The following LIMK1 variants were observed in gnomAD, a reference collection of about 807,000 sequenced individuals.
The protein encoded by LIMK1 is LIM motif-containing protein kinase.
LIMK1 carries 21 observed loss-of-function variants against 77.6 expected under a neutral mutation model. The ratio of observed to expected loss-of-function variants is 0.27; its 90% CI spans 0.19 to 0.39. The LOEUF (loss-of-function observed/expected upper bound fraction) is 0.39. LIMK1 is among the 10% of genes least tolerant of loss of function. The pLI is 1.00. For synonymous variants in LIMK1, 358 were observed against 370.0 expected, an observed-to-expected ratio of 0.97 and a Z score of 0.37; for missense variants, 696 against 901.6, an observed-to-expected ratio of 0.77 and a Z score of 2.92.
At chr7:74,096,884 T>C (rs1799346897) in intron 3 of LIMK1, 124 bp downstream of exon 3, 4 of 1,282,534 alleles carry the variant, frequency 3.1e-6, no homozygotes, top group Non-Finnish European at 4.3e-6. Flanking sequence ...GGAGCTGCTT[T>C]CTGAGCCTGA....
chr7:74,089,092 A>G (rs947258302), intron 2 of LIMK1, among the ~76,000 whole-genome samples: 4 of 152,208 alleles, frequency 2.6e-5, no homozygotes, highest in Non-Finnish European at 4.4e-5. Context: ...TCATAACTCT[A>G]TGAGGGACTG....
Position 74,105,962 on chromosome 7 carries a change from A to G in LIMK1, c.696A>G (p.Arg232=), listed in dbSNP as rs782723376. Residue 232 remains arginine, a synonymous_variant, in exon 6 of 16, where the codon CGA becomes CGG. Transcript: ENST00000336180. The part of the protein sequence containing the change: ...RILEINGTPI[R]NVPLDEIDLL... ...TGGAAATCAATGGCACGCCCATCCG[A>G]AATGTGCCCCTGGACGAGGTACGGT... is the stretch of plus-strand genomic sequence containing the variant. 2 of 1,614,056 alleles carry G rather than the reference A, an allele frequency of 1.2e-6. No homozygotes were observed. Among genetic ancestry groups the G allele is most frequent in the South Asian group, 2.2e-5 (2 of 91,084 alleles).
At chr7:74,113,218 G>C (rs1799739211) in intron 12 of LIMK1, among the ~76,000 whole-genome samples, 1 of 152,114 alleles carries the variant, frequency 6.6e-6, no homozygotes, top group Admixed American at 6.6e-5. Flanking sequence ...CAACTACCTG[G>C]GAGGCTGAGG....
At chr7:74,092,456 G>T (rs1799255879) in intron 2 of LIMK1, among the ~76,000 whole-genome samples, 2 of 152,196 alleles carry the variant, frequency 1.3e-5, no homozygotes, top group Non-Finnish European at 1.5e-5. Context: ...GACAATTGCT[G>T]CAGGCCCATG....
In LIMK1 at chr7:74,111,913, T is replaced by G. The variant is rs1554698707; in HGVS notation, c.1345-20T>G. ...TCCCTCTGCACAGCTGCCCCCTGAC[T>G]CCCGTGTCCCCGTCCCTAGGCCTAC... On this transcript the variant is annotated intron_variant, in intron 11 of 15. Transcript: ENST00000336180. 1 of 1,608,452 alleles carries G rather than the reference T, an allele frequency of 6.2e-7. No individual in the cohort carries two copies. The highest frequency in any genetic ancestry group is 2.2e-5 in the East Asian group (1 of 44,822).
intron 12 of LIMK1, among the ~76,000 whole-genome samples, chr7:74,113,587 T>C (rs567354735): frequency 1.3e-5 from 2 of 151,604 alleles, no homozygotes; most frequent in Non-Finnish European, 2.9e-5. Context: ...ATTATGCCAC[T>C]GCACTCCAGC....
At chr7:74,093,228 G>C (rs782374544) in intron 2 of LIMK1, 71 of 1,535,502 alleles carry the variant, frequency 4.6e-5, no homozygotes, top group Non-Finnish European at 6.0e-5. Context: ...GACCTCCAGA[G>C]CCCCCAGTGT....
At chr7:74,085,087 A>G (rs558139258) in intron 1 of LIMK1, among the ~76,000 whole-genome samples, 5 of 152,222 alleles carry the variant, frequency 3.3e-5, no homozygotes, top group Non-Finnish European at 4.4e-5. Flanking sequence ...GGCATTTTCC[A>G]GGGCCCACCA....
chr7:74,085,892 A>G, intron 2 of LIMK1, 48 bp downstream of exon 2: 2 of 1,390,186 alleles, frequency 1.4e-6, no homozygotes, highest in Non-Finnish European at 2.0e-6. Flanking sequence ...AAGGCCTGCC[A>G]GAGAGGACAG....
At chr7:74,088,858 G>A (rs2115621548) in intron 2 of LIMK1, among the ~76,000 whole-genome samples, 1 of 152,022 alleles carries the variant, frequency 6.6e-6, no homozygotes, top group African/African-American at 2.4e-5. Context: ...GGAGGGGCTG[G>A]GGTGACATGC....
At chr7:74,115,422 GA>G (rs879954399) in intron 12 of LIMK1, 33 of 183,230 alleles carry the variant, frequency 1.8e-4, no homozygotes, top group East Asian at 2.7e-4. Flanking sequence ...GACTCCGTCT[GA>G]AAAAAAAAAC....
At chr7:74,099,322 A>G (rs782262510) in intron 5 of LIMK1, 84 bp downstream of exon 5, 58 of 1,343,412 alleles carry the variant, frequency 4.3e-5, no homozygotes, top group Non-Finnish European at 5.4e-5. Flanking sequence ...GGGGGCCCTG[A>G]AAATGAATGG....
intron 2 of LIMK1, chr7:74,093,944 GGC>G (rs1195765232): frequency 2.0e-5 from 3 of 148,884 alleles, no homozygotes; most frequent in Non-Finnish European, 4.5e-5. Flanking sequence ...CAGGAACTCC[GGC>G]GTGCTCTCCA....
intron 3 of LIMK1, 29 bp downstream of exon 3, chr7:74,096,789 C>T: frequency 6.4e-7 from 1 of 1,563,416 alleles, no homozygotes; most frequent in Non-Finnish European, 8.7e-7. Context: ...GCACACTCAC[C>T]TGGGGTGGGG....
At chr7:74,103,458 A>G (rs1260584458) in intron 5 of LIMK1, among the ~76,000 whole-genome samples, 5 of 152,162 alleles carry the variant, frequency 3.3e-5, no homozygotes, top group Non-Finnish European at 7.4e-5. Flanking sequence ...CTGATACTGC[A>G]TAAGTGATCC....
At chr7:74,090,278 G>C (rs1799212263) in intron 2 of LIMK1, among the ~76,000 whole-genome samples, 1 of 152,148 alleles carries the variant, frequency 6.6e-6, no homozygotes, top group Non-Finnish European at 1.5e-5. Context: ...AGGAGGCTGA[G>C]GCAGAAGAAT....
At chr7:74,099,285 T>C (rs781996424) in intron 5 of LIMK1, 47 bp downstream of exon 5, 30 of 1,562,352 alleles carry the variant, frequency 1.9e-5, no homozygotes, top group Non-Finnish European at 2.4e-5. Context: ...GCTATGGCTG[T>C]TGATGTGGGT....
At chr7:74,098,449 G>A (rs1413238070) in intron 4 of LIMK1, among the ~76,000 whole-genome samples, 4 of 152,172 alleles carry the variant, frequency 2.6e-5, no homozygotes, top group Non-Finnish European at 4.4e-5. Context: ...TGTCCTGGCC[G>A]CCTTACAGGA....
At chr7:74,107,768 C>T (rs1799607633) in intron 8 of LIMK1, 103 bp from the exon 9 acceptor site, 1 of 805,180 alleles carries the variant, frequency 1.2e-6, no homozygotes, top group Non-Finnish European at 2.1e-6. Flanking sequence ...AGTATGAAGC[C>T]ATCTGCACAT....
Sources: allele counts gnomAD v4.1 joint callset (sites outside exome capture counted in the v4.1 genomes callset), GRCh38; gene constraint gnomAD v4.1.1; transcripts MANE v1.5; gene names NCBI Gene and HGNC (gene_info 2026-07-23, HGNC 2026-07-21).